The following PLCB1 variants were observed in gnomAD, a reference collection of about 807,000 sequenced individuals.
The protein encoded by PLCB1 is 1-phosphatidylinositol 4,5-bisphosphate phosphodiesterase beta-1.
Under a neutral mutation model 161.8 loss-of-function variants are expected in PLCB1, and 46 were observed. The observed-to-expected ratio is 0.28, with a 90% confidence interval of 0.22 to 0.36. The LOEUF is 0.36. Ranked by LOEUF, PLCB1 falls within the 10% of genes least tolerant of loss-of-function variation. The pLI is 1.00. For missense variants in PLCB1, 1,016 were observed against 1,472.5 expected (o/e 0.69, Z 5.07); for synonymous variants, 517 against 503.7 (o/e 1.03, Z -0.35).
chr20:8,588,517 G>A (rs568329920), intron 3 of PLCB1, among the ~76,000 whole-genome samples: 1 of 152,194 alleles, frequency 6.6e-6, no homozygotes, highest in South Asian at 2.1e-4. Context: ...GTTAAATGAG[G>A]TCATAAGGGC....
intron 2 of PLCB1, among the ~76,000 whole-genome samples, chr20:8,158,225 G>T (rs750808707): frequency 6.6e-6 from 1 of 152,122 alleles, no homozygotes; most frequent in African/African-American, 2.4e-5. Flanking sequence ...AGAATCCCCG[G>T]GTACTTGGTA....
intron 2 of PLCB1, among the ~76,000 whole-genome samples, chr20:8,345,748 G>C (rs2122238563): frequency 6.6e-6 from 1 of 152,326 alleles, no homozygotes; most frequent in Middle Eastern, 3.4e-3. Context: ...TTGATCTCTA[G>C]GGATCCTGAA....
chr20:8,591,092 C>T (rs1453073076), intron 3 of PLCB1, among the ~76,000 whole-genome samples: 1 of 152,052 alleles, frequency 6.6e-6, no homozygotes, highest in African/African-American at 2.4e-5. Flanking sequence ...TCTGTTCCTG[C>T]GTTAGTTTGC....
chr20:8,506,020 G>A (rs1050914410), intron 3 of PLCB1, among the ~76,000 whole-genome samples: 49 of 152,164 alleles, frequency 3.2e-4, no homozygotes, highest in African/African-American at 1.2e-3. Context: ...CTGCTGTATG[G>A]AGGAGTGAGA....
chr20:8,759,072 T>C (rs1600303594), intron 24 of PLCB1, among the ~76,000 whole-genome samples: 1 of 152,342 alleles, frequency 6.6e-6, no homozygotes, highest in Middle Eastern at 3.4e-3. Context: ...TCTCCTTTAA[T>C]CTATGGCAGT....
chr20:8,859,387 A>T (rs537710453), intron 31 of PLCB1, among the ~76,000 whole-genome samples: 4 of 152,320 alleles, frequency 2.6e-5, no homozygotes, highest in Admixed American at 1.3e-4. Flanking sequence ...TATGTGGATT[A>T]CCTGTGGATC....
chr20:8,702,044 G>A (rs1353055198), intron 11 of PLCB1, among the ~76,000 whole-genome samples: 1 of 152,168 alleles, frequency 6.6e-6, no homozygotes, highest in Non-Finnish European at 1.5e-5. Context: ...TTCAGTATGT[G>A]TGACCTGGAA....
At chr20:8,170,457 C>T (rs2051722254) in intron 2 of PLCB1, among the ~76,000 whole-genome samples, 1 of 151,768 alleles carries the variant, frequency 6.6e-6, no homozygotes, top group African/African-American at 2.4e-5. Flanking sequence ...ATATGATTTG[C>T]AGATTTATTT....
intron 3 of PLCB1, among the ~76,000 whole-genome samples, chr20:8,580,158 A>C (rs1986788814): frequency 6.6e-6 from 1 of 152,208 alleles, no homozygotes; most frequent in South Asian, 2.1e-4. Context: ...GCTAGCCCTC[A>C]GTGGGGCAGT....
chr20:8,833,277 C>T (rs1188933581), intron 31 of PLCB1, among the ~76,000 whole-genome samples: 1 of 152,168 alleles, frequency 6.6e-6, no homozygotes, highest in Non-Finnish European at 1.5e-5. Flanking sequence ...AGAGCAAAGG[C>T]ATGTCTTACA....
intron 3 of PLCB1, among the ~76,000 whole-genome samples, chr20:8,390,460 T>C (rs535650768): frequency 1.3e-5 from 2 of 152,298 alleles, no homozygotes; most frequent in African/African-American, 4.8e-5. Context: ...AACATATAAA[T>C]GTTGAGGGGA....
intron 9 of PLCB1, among the ~76,000 whole-genome samples, chr20:8,682,464 A>C (rs1032716192): frequency 6.6e-6 from 1 of 152,196 alleles, no homozygotes; most frequent in South Asian, 2.1e-4. Flanking sequence ...AGCTCCTCTC[A>C]TCAAAAGAGC....
In PLCB1 at chr20:8,313,490, G is replaced by C. The variant is rs55982779; in HGVS notation, c.178-57892G>C. Among the ~76,000 whole-genome samples the C allele has an allele frequency of 4.5e-3, 692 of 152,274 alleles. 7 individuals carry two copies. The highest frequency in any genetic ancestry group is 0.016 in the African/African-American group (648 of 41,552). ...ACTTCCTAAGATCTTATTGACTAAA[G>C]AATGTCACCTAGTAAAGCATAAGGT... On this transcript the variant is annotated intron_variant, in intron 2 of 31. Transcript: ENST00000338037.
Position 8,722,424 on chromosome 20 carries a change from G to A in PLCB1, c.1581+3G>A. The A allele has an allele frequency of 1.2e-6, 2 of 1,605,014 alleles. No homozygotes were observed. Among genetic ancestry groups the A allele is most frequent in the Non-Finnish European group, 8.5e-7 (1 of 1,175,436 alleles). ...GTAAAAAATCTTCAATGGATGAGGTGGGTACTTAGGGCTTCTGGTCCCTAA... is the reference window on the plus strand; with the variant it reads ...GTAAAAAATCTTCAATGGATGAGGTAGGTACTTAGGGCTTCTGGTCCCTAA... On this transcript the variant is annotated splice_donor_region_variant and intron_variant, in intron 15 of 31. Coordinates refer to ENST00000338037, the MANE Select transcript of PLCB1 (RefSeq NM_015192.4).
intron 3 of PLCB1, among the ~76,000 whole-genome samples, chr20:8,525,684 A>G (rs1205695517): frequency 1.3e-5 from 2 of 152,138 alleles, no homozygotes; most frequent in Non-Finnish European, 2.9e-5. Flanking sequence ...ATAAAGTAGA[A>G]CTTTAAAGAA....
At chr20:8,191,210 G>A (rs1391770460) in intron 2 of PLCB1, among the ~76,000 whole-genome samples, 1 of 151,322 alleles carries the variant, frequency 6.6e-6, no homozygotes, top group Non-Finnish European at 1.5e-5. Flanking sequence ...TTTTGATACG[G>A]GCATACAATG....
At chr20:8,359,421 GA>G (rs1986469059) in intron 2 of PLCB1, among the ~76,000 whole-genome samples, 1 of 152,088 alleles carries the variant, frequency 6.6e-6, no homozygotes, top group East Asian at 1.9e-4. Flanking sequence ...CCTTTACCAA[GA>G]AGAAAGTAAA....
At chr20:8,165,763 T>G (rs1017516663) in intron 2 of PLCB1, among the ~76,000 whole-genome samples, 1 of 152,180 alleles carries the variant, frequency 6.6e-6, no homozygotes, top group Non-Finnish European at 1.5e-5. Context: ...GCCAATGACC[T>G]TTCAGTAGTT....
chr20:8,788,431 G>T lies in PLCB1; in HGVS notation c.3112-18G>T. ...TTGCAATCATTTGAAATAGCAAACT[G>T]ACATTTTCTTTTTCCAGCTTATTCA... On this transcript the variant is annotated intron_variant, in intron 27 of 31. Transcript: ENST00000338037. 1 of 1,610,452 alleles carries T rather than the reference G, an allele frequency of 6.2e-7. No individual in the cohort carries two copies. The highest frequency in any genetic ancestry group is 1.1e-5 in the South Asian group (1 of 90,128).
Sources: gnomAD v4.1 joint callset for allele counts (sites outside exome capture counted in the v4.1 genomes callset) on GRCh38, gnomAD v4.1.1 for gene constraint, MANE v1.5 for transcripts, NCBI Gene and HGNC (gene_info 2026-07-23, HGNC 2026-07-21) for gene names.